Variants in CCT4 observed in about 807,000 individuals in gnomAD.
The protein encoded by CCT4 is chaperonin containing TCP1 subunit 4.
A neutral mutation model predicts 62.5 loss-of-function variants in CCT4; 17 were observed. The ratio of observed to expected loss-of-function variants is 0.27; its 90% CI spans 0.19 to 0.41. CCT4 has a LOEUF of 0.41. Among genes scored for constraint, CCT4 ranks in the 10% least tolerant of loss-of-function variants. The pLI is 1.00. For missense variants in CCT4, 592 were observed against 659.2 expected, an observed-to-expected ratio of 0.90 and a Z score of 1.12; for synonymous variants, 250 against 229.9, an observed-to-expected ratio of 1.09 and a Z score of -0.79.
chr2:61,885,108 G>A (rs1348299892), intron 1 of CCT4, 36 bp from the exon 2 acceptor site: 2 of 1,454,840 alleles, frequency 1.4e-6, no homozygotes, highest in South Asian at 1.3e-5. Context: ...AAACAAATTA[G>A]AACTTTTTTT....
chr2:61,870,907 A>G (rs1668870283), intron 12 of CCT4, among the ~76,000 whole-genome samples: 1 of 152,092 alleles, frequency 6.6e-6, no homozygotes. Flanking sequence ...ACAGAGCAAG[A>G]TTCCGTCTCC....
Position 61,888,439 on chromosome 2 carries a change from G to C in CCT4, c.69C>G (p.Ala23=). The change falls in exon 1 of 14, where the codon GCC becomes GCG. Residue 23 remains alanine, a synonymous_variant. Coordinates refer to ENST00000394440, the MANE Select transcript of CCT4 (RefSeq NM_006430.4). ...AGAAGGRGKG[A]YQDRDKPAQI... is the part of the protein sequence containing the mutation. ...GGGCTGGCTTGTCGCGGTCCTGATAGGCGCCTTTCCCGCGGCCGCCGGCAG... is the reference window on the plus strand; with the variant it reads ...GGGCTGGCTTGTCGCGGTCCTGATACGCGCCTTTCCCGCGGCCGCCGGCAG... 1.2e-6 allele frequency: 2 copies of C among 1,612,410 alleles called. No homozygotes were observed. The highest frequency in any genetic ancestry group is 1.1e-5 in the South Asian group (1 of 90,936).
At chr2:61,877,812 G>C (rs7572004) in intron 5 of CCT4, among the ~76,000 whole-genome samples, 1 of 152,202 alleles carries the variant, frequency 6.6e-6, no homozygotes, top group African/African-American at 2.4e-5. Context: ...TTTTACGTGA[G>C]TATTTTCTAT....
intron 8 of CCT4, among the ~76,000 whole-genome samples, 161 bp downstream of exon 8, chr2:61,875,934 T>C (rs944893022): frequency 6.6e-6 from 1 of 152,190 alleles, no homozygotes; most frequent in Non-Finnish European, 1.5e-5. Context: ...ACCTGTGCTT[T>C]TAAAATAAAA....
chr2:61,880,238 T>A, intron 4 of CCT4, 48 bp downstream of exon 4: 2 of 839,626 alleles, frequency 2.4e-6, no homozygotes, highest in Non-Finnish European at 3.4e-6. Context: ...TCCTAAAGTT[T>A]GTTTTTTAAA....
At position 61,869,535 on chromosome 2, in the gene CCT4, A is replaced by C; in HGVS notation, c.1510T>G (p.Leu504Val). ...NVRKGGISNI[L>V]EELVVQPLLV... ...AGAGGCTGGACAACCAGTTCCTCCA[A>C]AATGTTGGAAATACCACCCTGCAAA... is the stretch of plus-strand genomic sequence containing the variant. Residue 504 changes from leucine (L) to valine (V), a missense_variant, in exon 13 of 14, where the codon TTG becomes GTG. Around this residue, in one of 3 missense-constraint regions of CCT4, gnomAD observed 522 missense variants for 571.2 expected, o/e 0.91. Transcript: ENST00000394440. 6.2e-7 allele frequency: 1 copy of C among 1,602,078 alleles called. No homozygotes were observed. Among genetic ancestry groups the C allele is most frequent in the Non-Finnish European group, 8.6e-7 (1 of 1,169,026 alleles).
intron 1 of CCT4, among the ~76,000 whole-genome samples, chr2:61,885,334 T>C (rs1439862214): frequency 6.6e-6 from 1 of 152,218 alleles, no homozygotes; most frequent in Non-Finnish European, 1.5e-5. Context: ...ATTCATTGTC[T>C]AAAAATAATC....
intron 13 of CCT4, 110 bp downstream of exon 13, chr2:61,869,330 T>C: frequency 1.5e-6 from 1 of 645,488 alleles, no homozygotes; most frequent in Non-Finnish European, 2.8e-6. Flanking sequence ...AGCAAAACTT[T>C]GTCTCAAAAA....
intron 10 of CCT4, 52 bp from the exon 11 acceptor site, chr2:61,872,640 C>T (rs1301182866): frequency 6.2e-7 from 1 of 1,601,802 alleles, no homozygotes; most frequent in Non-Finnish European, 8.5e-7. Flanking sequence ...AAAAACCCCA[C>T]ACCCAGGCCG....
chr2:61,875,601 AT>A (rs1424492160), intron 8 of CCT4, among the ~76,000 whole-genome samples: 6 of 138,612 alleles, frequency 4.3e-5, no homozygotes, highest in African/African-American at 7.9e-5. Flanking sequence ...AAAAAAAAAA[AT>A]TAAAAAAAAT....
At chr2:61,873,826 A>G (rs993808914) in intron 8 of CCT4, among the ~76,000 whole-genome samples, 1 of 152,114 alleles carries the variant, frequency 6.6e-6, no homozygotes, top group Non-Finnish European at 1.5e-5. Context: ...TTGGCTTCCT[A>G]AAGTGCTGGG....
chr2:61,869,617 G>C (rs1201858804), intron 12 of CCT4, 64 bp from the exon 13 acceptor site: 1 of 850,544 alleles, frequency 1.2e-6, no homozygotes, highest in Non-Finnish European at 2.1e-6. Context: ...GCAGCCACGT[G>C]GTTACCAGTG....
chr2:61,885,141 T>C (rs1669221831), intron 1 of CCT4, 69 bp from the exon 2 acceptor site: 3 of 1,267,818 alleles, frequency 2.4e-6, no homozygotes, highest in African/African-American at 1.6e-5. Context: ...AGGGTCTTAC[T>C]ATATTGTCCA....
Position 61,888,502 on chromosome 2 carries a change from G to C in CCT4, c.6C>G (p.Pro2=). The C allele has an allele frequency of 2.5e-6, 4 of 1,611,628 alleles. No homozygotes were observed. The highest frequency in any genetic ancestry group is 2.5e-6 in the Non-Finnish European group (3 of 1,179,188). The change falls in exon 1 of 14, where the codon CCC becomes CCG. Residue 2 remains proline (P), a synonymous_variant. Coordinates refer to ENST00000394440, the MANE Select transcript of CCT4 (RefSeq NM_006430.4). M[P]ENVAPRSGAT... ...CCCCGCTCCGGGGTGCCACATTCTCGGGCATGGCAAACTCCGCTGTGTCTG... is the reference window on the plus strand; with the variant it reads ...CCCCGCTCCGGGGTGCCACATTCTCCGGCATGGCAAACTCCGCTGTGTCTG...
Position 61,873,124 on chromosome 2 carries a change from A to G in CCT4, c.1015-12T>C. On this transcript the variant is annotated splice_polypyrimidine_tract_variant and intron_variant, in intron 9 of 13. Transcript: ENST00000394440. ...TTGGTTCCAATTGTCTGGAAAAAAC[A>G]GTCAAATCCACAAATTAAGACATTT... 5.2e-6 allele frequency: 8 copies of G among 1,542,930 alleles called. No individual in the cohort carries two copies. The highest frequency in any genetic ancestry group is 7.2e-6 in the Non-Finnish European group (8 of 1,115,232).
intron 3 of CCT4, among the ~76,000 whole-genome samples, chr2:61,881,473 C>T (rs1456551260): frequency 6.6e-6 from 1 of 152,016 alleles, no homozygotes; most frequent in African/African-American, 2.4e-5. Flanking sequence ...GACTTGACAC[C>T]AGGTTTATGT....
rs138761057 is a variant in CCT4, at chr2:61,876,128, C to T, written c.884G>A (p.Cys295Tyr). ...AGATTTCTGTATGAGAAGGACATTACATCCTGTTTTTTTAATTTGCTTCAC... is the reference window on the plus strand; with the variant it reads ...AGATTTCTGTATGAGAAGGACATTATATCCTGTTTTTTTAATTTGCTTCAC... The part of the protein sequence containing the change: ...NLVKQIKKTG[C>Y]NVLLIQKSIL... Residue 295 changes from cysteine (C) to tyrosine (Y), a missense_variant, in exon 8 of 14, where the codon TGT becomes TAT. Physicochemically the swap from Cys to Tyr is radical, Grantham distance 194. Coordinates refer to ENST00000394440, the MANE Select transcript of CCT4 (RefSeq NM_006430.4). 1 of 1,604,646 alleles carries T rather than the reference C, an allele frequency of 6.2e-7. No homozygotes were observed.
chr2:61,887,251 T>A (rs1175828006), intron 1 of CCT4, among the ~76,000 whole-genome samples: 2 of 152,220 alleles, frequency 1.3e-5, no homozygotes, highest in African/African-American at 4.8e-5. Context: ...TTTTCTTACA[T>A]CCAGCGTTAC....
At chr2:61,871,729 G>T (rs188667641) in intron 12 of CCT4, among the ~76,000 whole-genome samples, 2 of 152,326 alleles carry the variant, frequency 1.3e-5, no homozygotes, top group African/African-American at 4.8e-5. Context: ...TATATGCCAA[G>T]CATCTATCTA....
Sources: allele counts gnomAD v4.1 joint callset (sites outside exome capture counted in the v4.1 genomes callset), GRCh38; gene constraint gnomAD v4.1.1; regional missense constraint gnomAD v4.1.1; transcripts MANE v1.5; gene names NCBI Gene and HGNC (gene_info 2026-07-23, HGNC 2026-07-21).